The following PRKCH variants were observed in gnomAD, a reference collection of about 807,000 sequenced individuals.
PRKCH encodes the protein protein kinase C eta type.
Under a neutral mutation model 82.5 loss-of-function variants are expected in PRKCH, and 28 were observed. The observed-to-expected ratio is 0.34, with a 90% confidence interval of 0.25 to 0.47. The LOEUF (loss-of-function observed/expected upper bound fraction) is 0.47. Ranked by LOEUF, PRKCH falls within the 20% of genes least tolerant of loss-of-function variation. PRKCH has a pLI of 1.00. For synonymous variants in PRKCH, 322 were observed against 327.4 expected (o/e 0.98, Z 0.18); for missense variants, 705 against 881.8 (o/e 0.80, Z 2.54).
rs528331732 is a variant in PRKCH at position 61,190,015 on chromosome 14, A to G, written c.-19+2347A>G. Among the ~76,000 whole-genome samples, 37 of 152,000 alleles carry G rather than the reference A, an allele frequency of 2.4e-4. No individual in the cohort carries two copies. The South Asian group carries it at 2.9e-3, about 12-fold the overall frequency. Reference sequence around the variant, plus strand: ...GACTTGTTCAATTTCATCTTCATCAATTGCTAGCTTTGTGACCTTGGATAA... The same window carrying G: ...GACTTGTTCAATTTCATCTTCATCAGTTGCTAGCTTTGTGACCTTGGATAA... On this transcript the variant is annotated intron_variant, in intron 1 of 3. Transcript: ENST00000555185.
At chr14:61,549,432 C>T (rs1594805940) in intron 13 of PRKCH, among the ~76,000 whole-genome samples, 1 of 152,322 alleles carries the variant, frequency 6.6e-6, no homozygotes, top group East Asian at 1.9e-4. Flanking sequence ...TTCTTAGCCT[C>T]CCATTAAGAC....
intron 1 of PRKCH, among the ~76,000 whole-genome samples, chr14:61,360,195 GCAC>G (rs1381200188): frequency 6.6e-6 from 1 of 152,152 alleles, no homozygotes; most frequent in Non-Finnish European, 1.5e-5. Context: ...ATTTTTCTCT[GCAC>G]CACATCATTA....
chr14:61,414,588 CT>C (rs1159456993), intron 2 of PRKCH, among the ~76,000 whole-genome samples: 274 of 128,232 alleles, frequency 2.1e-3, no homozygotes, highest in Middle Eastern at 4.2e-3. Context: ...TTCATTTATT[CT>C]TTTTTTTTTT....
intron 1 of PRKCH, among the ~76,000 whole-genome samples, chr14:61,213,124 C>T (rs1286731488): frequency 6.6e-6 from 1 of 152,154 alleles, no homozygotes; most frequent in Non-Finnish European, 1.5e-5. Flanking sequence ...GGGACCAGCA[C>T]ATTTAAATTC....
intron 1 of PRKCH, among the ~76,000 whole-genome samples, chr14:61,192,224 TC>T (rs1175910223): frequency 6.6e-6 from 1 of 152,206 alleles, no homozygotes; most frequent in African/African-American, 2.4e-5. Flanking sequence ...GGATTTTCCC[TC>T]TCTATTCAAT....
chr14:61,237,606 T>C (rs969917732), intron 1 of PRKCH, among the ~76,000 whole-genome samples: 1 of 152,226 alleles, frequency 6.6e-6, no homozygotes, highest in Non-Finnish European at 1.5e-5. Flanking sequence ...CGCTCCTTTC[T>C]ATGGATTCAG....
In PRKCH at chr14:61,472,088, G is replaced by A. The variant is rs148106985; in HGVS notation, c.1279-13414G>A. ...TAGGGATGGAGCCCCTGAGCTCGGGGGAGACAGCGGAAGCGTGCAGCGTCT... is the reference window on the plus strand; with the variant it reads ...TAGGGATGGAGCCCCTGAGCTCGGGAGAGACAGCGGAAGCGTGCAGCGTCT... On this transcript the variant is annotated intron_variant, in intron 9 of 13. Transcript: ENST00000332981. 5.5e-3 allele frequency among the ~76,000 whole-genome samples: 831 copies of A among 152,300 alleles called. 9 individuals carry two copies. Among genetic ancestry groups the A allele is most frequent in the African/African-American group, 0.019 (789 of 41,556 alleles).
chr14:61,491,651 G>C (rs377584300), intron 10 of PRKCH, among the ~76,000 whole-genome samples: 5 of 152,164 alleles, frequency 3.3e-5, no homozygotes, highest in African/African-American at 7.2e-5. Context: ...GAGCTTTCCA[G>C]CTTCTTAGAG....
intron 1 of PRKCH, among the ~76,000 whole-genome samples, chr14:61,209,819 C>A (rs1056141013): frequency 6.6e-6 from 1 of 152,056 alleles, no homozygotes; most frequent in Non-Finnish European, 1.5e-5. Flanking sequence ...TCCCTCCCTC[C>A]TTTTGAACTC....
intron 2 of PRKCH, among the ~76,000 whole-genome samples, chr14:61,410,983 C>G (rs545724702): frequency 1.3e-5 from 2 of 152,332 alleles, no homozygotes; most frequent in Middle Eastern, 6.8e-3. Context: ...AAGTATGAGA[C>G]ATCGTGGATG....
chr14:61,486,237 CATT>C (rs1886214554), intron 10 of PRKCH, among the ~76,000 whole-genome samples: 1 of 151,348 alleles, frequency 6.6e-6, no homozygotes, highest in Admixed American at 6.6e-5. Flanking sequence ...GATTCTATTC[CATT>C]TTAAGAATCT....
chr14:61,252,780 A>G (rs753915578), intron 1 of PRKCH, among the ~76,000 whole-genome samples: 2 of 152,242 alleles, frequency 1.3e-5, no homozygotes, highest in Non-Finnish European at 2.9e-5. Context: ...AGTCATTATT[A>G]AAGTATACAT....
intron 1 of PRKCH, among the ~76,000 whole-genome samples, chr14:61,204,653 C>T (rs552255460): frequency 2.0e-5 from 3 of 151,198 alleles, no homozygotes; most frequent in African/African-American, 7.3e-5. Context: ...CGCAGCCACT[C>T]AGGAGGCTGA....
chr14:61,221,633 G>C (rs980609579), intron 1 of PRKCH, among the ~76,000 whole-genome samples: 4 of 151,982 alleles, frequency 2.6e-5, no homozygotes, highest in Non-Finnish European at 5.9e-5. Context: ...TCTGTTCCCC[G>C]GGGATAGGAC....
At chr14:61,443,326 T>C in intron 3 of PRKCH, 65 bp downstream of exon 3, 2 of 1,499,000 alleles carry the variant, frequency 1.3e-6, no homozygotes, top group South Asian at 2.6e-5. Flanking sequence ...TCTGGTTATG[T>C]ATGACTTCAG....
Position 61,293,644 on chromosome 14 carries a change from T to C in PRKCH, c.-19+105976T>C, listed in dbSNP as rs556181577. Among the ~76,000 whole-genome samples the C allele has an allele frequency of 1.1e-4, 17 of 152,354 alleles. No homozygotes were observed. In the South Asian group the frequency reaches 3.3e-3, roughly 30 times the overall value. On this transcript the variant is annotated intron_variant, in intron 1 of 3. Transcript: ENST00000555185. ...TTTATTAGAAGCAATCTGTGGGTGA[T>C]AATAAATCTGCTTTTAGAGTTTTAT...
Position 61,550,069 on chromosome 14 carries a change from C to T in PRKCH, c.*238C>T. 4.9e-6 allele frequency: 2 copies of T among 409,654 alleles called. No individual in the cohort carries two copies. Among genetic ancestry groups the T allele is most frequent in the Non-Finnish European group, 8.7e-6 (2 of 230,172 alleles). 25.4% of individuals were successfully genotyped at this position (409,654 alleles called of 1,614,324 possible). The stretch of plus-strand genomic sequence containing the variant: ...TGAGATTTTATGAAGTATACCGCTC[C>T]ACCTATGAGCGTCTGTCTCTGTGGG... On this transcript the variant is annotated 3_prime_UTR_variant, in exon 14 of 14. Transcript: ENST00000332981.
chr14:61,286,359 C>G (rs1180917128), intron 1 of PRKCH, among the ~76,000 whole-genome samples: 2 of 152,158 alleles, frequency 1.3e-5, no homozygotes, highest in Non-Finnish European at 2.9e-5. Flanking sequence ...AGTGGTACCC[C>G]CTAGTGGAAG....
chr14:61,237,463 T>C (rs1566790342), intron 1 of PRKCH, among the ~76,000 whole-genome samples: 1 of 152,184 alleles, frequency 6.6e-6, no homozygotes, highest in Non-Finnish European at 1.5e-5. Flanking sequence ...AGGAGAGAAT[T>C]AACTAAGAGT....
Sources: gnomAD v4.1 joint callset for allele counts (sites outside exome capture counted in the v4.1 genomes callset) on GRCh38, gnomAD v4.1.1 for gene constraint, MANE v1.5 for transcripts, NCBI Gene and HGNC (gene_info 2026-07-23, HGNC 2026-07-21) for gene names.